Variants in NTN1 observed in about 807,000 individuals in gnomAD.
NTN1 encodes netrin-1.
A neutral mutation model predicts 54.2 loss-of-function variants in NTN1; 11 were observed. The ratio of observed to expected loss-of-function variants is 0.20; its 90% CI spans 0.13 to 0.34. NTN1 has a LOEUF of 0.34. Among genes scored for constraint, NTN1 ranks in the 10% least tolerant of loss-of-function variants. The pLI is 1.00. For synonymous variants in NTN1, 371 were observed against 382.0 expected (o/e 0.97, Z 0.33); for missense variants, 740 against 893.1 (o/e 0.83, Z 2.18).
chr17:9,174,588 TGTCTTCACAGG>T (rs1424086705), intron 3 of NTN1: 3 of 152,300 alleles, frequency 2.0e-5, no homozygotes, highest in Admixed American at 6.5e-5. Flanking sequence ...CTTCTCCCTG[TGTCTTCACAGG>T]GTCTTTCCAC....
chr17:9,070,215 G>C (rs527505624), intron 2 of NTN1, among the ~76,000 whole-genome samples: 222 of 152,184 alleles, frequency 1.5e-3, no homozygotes, highest in African/African-American at 5.0e-3. Flanking sequence ...TGCCCTCTTC[G>C]TGTGATTGTT....
the NTN1 span, among the ~76,000 whole-genome samples, chr17:9,007,982 G>A: frequency 6.6e-6 from 1 of 151,910 alleles, no homozygotes; most frequent in South Asian, 2.1e-4. Context: ...GGCCTCAAGT[G>A]TCCTCCCACC....
rs1003419884 is a variant in NTN1 at position 9,163,541 on chromosome 17, G to C, written c.1207+540G>C. ...ACACACGTACAGTCACAGCGGAGTC[G>C]GCAGTTTCAGGGGCAGGGTCTCAGA... On this transcript the variant is annotated intron_variant, in intron 3 of 6. Coordinates refer to ENST00000173229, the MANE Select transcript of NTN1 (RefSeq NM_004822.3). 2.0e-5 allele frequency among the ~76,000 whole-genome samples: 3 copies of C among 148,624 alleles called. No homozygotes were observed. The East Asian group carries it at 5.9e-4, about 29-fold the overall frequency.
At chr17:9,151,053 C>A (rs1257769844) in intron 2 of NTN1, among the ~76,000 whole-genome samples, 1 of 152,064 alleles carries the variant, frequency 6.6e-6, no homozygotes, top group Non-Finnish European at 1.5e-5. Flanking sequence ...CAGTTGGTCC[C>A]CCCTGGACAT....
chr17:9,167,459 A>T (rs1401842135), intron 3 of NTN1, among the ~76,000 whole-genome samples: 2 of 152,172 alleles, frequency 1.3e-5, no homozygotes, highest in Non-Finnish European at 2.9e-5. Context: ...CCGAATTGTG[A>T]TGAGAATTAA....
At chr17:9,109,140 G>A (rs1009448697) in intron 2 of NTN1, among the ~76,000 whole-genome samples, 19 of 152,184 alleles carry the variant, frequency 1.2e-4, no homozygotes, top group Admixed American at 9.8e-4. Context: ...CTCCCAAAGT[G>A]CAAGGATTAC....
At chr17:9,092,676 C>A (rs1189918734) in intron 2 of NTN1, among the ~76,000 whole-genome samples, 6 of 152,036 alleles carry the variant, frequency 3.9e-5, no homozygotes, top group Admixed American at 3.9e-4. Context: ...TCATTGCAAC[C>A]TTTGTGTCCT....
At chr17:9,237,381 T>A (rs997398651) in intron 6 of NTN1, among the ~76,000 whole-genome samples, 5 of 152,196 alleles carry the variant, frequency 3.3e-5, no homozygotes, top group South Asian at 2.1e-4. Context: ...TTAACATTTT[T>A]AAAAATTTTA....
intron 5 of NTN1, among the ~76,000 whole-genome samples, chr17:9,201,134 A>G (rs1904772817): frequency 6.6e-6 from 1 of 152,216 alleles, no homozygotes. Flanking sequence ...CAGAATTTGC[A>G]TCTTGAAGAA....
chr17:9,023,383 A>G lies in NTN1; in HGVS notation c.1010A>G (p.Glu337Gly). 1 of 1,446,536 alleles carries G rather than the reference A, an allele frequency of 6.9e-7. No individual in the cohort carries two copies. Among genetic ancestry groups the G allele is most frequent in the Non-Finnish European group, 9.1e-7 (1 of 1,102,430 alleles). The allele number at this position is 1,446,536 out of a possible 1,614,324, so 89.6% of individuals were successfully genotyped here. The change falls in exon 2 of 7, where the codon GAG (glutamate) becomes GGG (glycine). Residue 337 changes from glutamate (E) to glycine (G), a missense_variant. Coordinates refer to ENST00000173229, the MANE Select transcript of NTN1 (RefSeq NM_004822.3). ...CGCGCCACAGCCCGCGAAGCCAACG[A>G]GTGCGTGGGTGAGTGGGGTGCGGCG... is the stretch of plus-strand genomic sequence containing the variant. ...WQRATAREANECVACNCNLHA... is the reference protein window; with the variant it reads ...WQRATAREANGCVACNCNLHA...
chr17:9,084,930 G>A (rs1178654424), intron 2 of NTN1, among the ~76,000 whole-genome samples: 5 of 152,110 alleles, frequency 3.3e-5, no homozygotes, highest in African/African-American at 7.2e-5. Flanking sequence ...GATTACAGGC[G>A]TGAGCCACCG....
intron 3 of NTN1, 57 bp from the exon 4 acceptor site, chr17:9,179,750 G>A (rs890331177): frequency 8.9e-6 from 14 of 1,574,322 alleles, no homozygotes; most frequent in African/African-American, 4.0e-5. Context: ...AAGGCTCTGC[G>A]GGGATGCACT....
At chr17:9,090,278 C>T (rs967849972) in intron 2 of NTN1, among the ~76,000 whole-genome samples, 27 of 151,600 alleles carry the variant, frequency 1.8e-4, no homozygotes, top group African/African-American at 6.1e-4. Flanking sequence ...TGGATTCAAG[C>T]GATTGTCTTG....
At chr17:9,058,379 T>G (rs1284670423) in intron 2 of NTN1, among the ~76,000 whole-genome samples, 1 of 151,940 alleles carries the variant, frequency 6.6e-6, no homozygotes, top group African/African-American at 2.4e-5. Flanking sequence ...ATCTAGGCCT[T>G]TCTTATTGTC....
At chr17:9,003,421 C>G in the NTN1 span, among the ~76,000 whole-genome samples, 1 of 151,574 alleles carries the variant, frequency 6.6e-6, no homozygotes, top group African/African-American at 2.4e-5. This position sits in a 1 kb window ranked among gnomAD's most constrained non-coding sequence, Gnocchi z 7.4. Flanking sequence ...GCCCCGCGTC[C>G]TGCGCACTTG....
intron 2 of NTN1, among the ~76,000 whole-genome samples, chr17:9,041,105 A>T (rs937513848): frequency 6.6e-6 from 1 of 152,182 alleles, no homozygotes; most frequent in Admixed American, 6.5e-5. Context: ...AATATTCAAG[A>T]ATATGTAGAA....
intron 2 of NTN1, among the ~76,000 whole-genome samples, chr17:9,063,622 A>T (rs1321622003): frequency 6.6e-6 from 1 of 151,204 alleles, no homozygotes; most frequent in Non-Finnish European, 1.5e-5. Flanking sequence ...ATCTCAGCTC[A>T]CTGCAAGCTC....
chr17:9,224,961 T>G (rs1439083639), intron 6 of NTN1, among the ~76,000 whole-genome samples: 1 of 152,102 alleles, frequency 6.6e-6, no homozygotes, highest in Non-Finnish European at 1.5e-5. Flanking sequence ...TGGTGTGGTG[T>G]TTCTGGTTCC....
At chr17:9,045,237 G>A (rs148814397) in intron 2 of NTN1, among the ~76,000 whole-genome samples, 28 of 152,344 alleles carry the variant, frequency 1.8e-4, no homozygotes, top group African/African-American at 6.3e-4. Context: ...CTGTACATGA[G>A]CATCTGCCTC....
Sources: allele counts gnomAD v4.1 joint callset (sites outside exome capture counted in the v4.1 genomes callset), GRCh38; gene constraint gnomAD v4.1.1; non-coding constraint Gnocchi (gnomAD v3.1); transcripts MANE v1.5; gene names NCBI Gene and HGNC (gene_info 2026-07-23, HGNC 2026-07-21).